Variants in HSPG2 observed in about 807,000 individuals in gnomAD.
HSPG2 encodes heparan sulfate proteoglycan 2, also known as basement membrane-specific heparan sulfate proteoglycan core protein.
Under a neutral mutation model 526.6 loss-of-function variants are expected in HSPG2, and 278 were observed. The observed-to-expected ratio is 0.53, with a 90% CI of 0.48 to 0.58. The LOEUF is 0.58. HSPG2 is among the 20% of genes least tolerant of loss of function. HSPG2 has a pLI of 0.00. For synonymous variants in HSPG2, 2,465 were observed against 2,555.4 expected (o/e 0.96, Z 1.07); for missense variants, 5,354 against 6,099.5 (o/e 0.88, Z 4.07).
chr1:21,889,888 G>T, intron 6 of HSPG2, 93 bp downstream of exon 6: 1 of 1,305,996 alleles, frequency 7.7e-7, no homozygotes, highest in Non-Finnish European at 1.1e-6. Flanking sequence ...TTCTAGTGGT[G>T]TGCAAGCCCA....
intron 21 of HSPG2, 109 bp from the exon 22 acceptor site, chr1:21,876,761 C>CT: frequency 1.4e-6 from 2 of 1,474,300 alleles, no homozygotes; most frequent in Non-Finnish European, 1.9e-6. Flanking sequence ...AGGGGAGCCA[C>CT]TGAAAGAGCA....
At chr1:21,826,006 G>A (rs912137953) in intron 91 of HSPG2, among the ~76,000 whole-genome samples, 4 of 151,998 alleles carry the variant, frequency 2.6e-5, no homozygotes, top group South Asian at 2.1e-4. Flanking sequence ...GGCTGGTCTC[G>A]AACTGATCTC....
rs754887749 is a variant in HSPG2, at chr1:21,850,082, T to A, written c.7405A>T (p.Thr2469Ser). ...AGGCTGCCCCCGCGCTTGTGCCACG[T>A]GACCTGGGCATGGGCCTGACCAGCA... is the stretch of plus-strand genomic sequence containing the variant. Reference protein sequence around the residue: ...LVAGQAHAQVTWHKRGGSLPA... With the variant: ...LVAGQAHAQVSWHKRGGSLPA... Residue 2469 changes from threonine (T) to serine (S), a missense_variant, in exon 57 of 97, where the codon ACG becomes TCG. Thr to Ser is a moderately conservative substitution (Grantham distance 58). Transcript: ENST00000374695. 6.8e-6 allele frequency: 11 copies of A among 1,613,386 alleles called. No homozygotes were observed. Among genetic ancestry groups the A allele is most frequent in the Non-Finnish European group, 8.5e-6 (10 of 1,180,030 alleles).
intron 28 of HSPG2, 55 bp downstream of exon 28, chr1:21,874,351 G>A: frequency 1.2e-6 from 2 of 1,605,600 alleles, no homozygotes. Flanking sequence ...GCGGGTGTGG[G>A]AGCGGGTGGT....
Position 21,865,434 on chromosome 1 carries a change from A to C in HSPG2, c.4315-69T>G, listed in dbSNP as rs114800104. On this transcript the variant is annotated intron_variant, in intron 34 of 96. Coordinates refer to ENST00000374695, the MANE Select transcript of HSPG2 (RefSeq NM_005529.7). The surrounding 1 kb of genome is among the most constrained non-coding windows in gnomAD (Gnocchi z 5.4). ...CTGGGGTGCCAGGGTGTCCTCCACCAGTCCTAGATTCTCTGTAACCCCCAG... is the reference window on the plus strand; with the variant it reads ...CTGGGGTGCCAGGGTGTCCTCCACCCGTCCTAGATTCTCTGTAACCCCCAG... 1.4e-6 allele frequency: 2 copies of C among 1,416,818 alleles called. No homozygotes were observed. Among genetic ancestry groups the C allele is most frequent in the East Asian group, 2.3e-5 (1 of 43,916 alleles). 87.8% of individuals were successfully genotyped at this position (1,416,818 alleles called of 1,614,324 possible).
At chr1:21,830,149 C>T in intron 85 of HSPG2, 58 bp from the exon 86 acceptor site, 1 of 1,386,864 alleles carries the variant, frequency 7.2e-7, no homozygotes, top group Non-Finnish European at 9.9e-7. Context: ...GGAGGGGGGT[C>T]CTGATGCCAG....
At chr1:21,874,347 G>A in intron 28 of HSPG2, 59 bp downstream of exon 28, 2 of 1,603,610 alleles carry the variant, frequency 1.2e-6, no homozygotes, top group Admixed American at 1.7e-5. Flanking sequence ...TGAAGCGGGT[G>A]TGGGAGCGGG....
At chr1:21,908,944 TA>T (rs1367726365) in intron 1 of HSPG2, among the ~76,000 whole-genome samples, 1 of 152,036 alleles carries the variant, frequency 6.6e-6, no homozygotes, top group African/African-American at 2.4e-5. Flanking sequence ...CCGTCTCTAC[TA>T]AAAAATACAA....
chr1:21,890,798 C>A lies in HSPG2; in HGVS notation c.245-104G>T. 1.2e-6 allele frequency: 1 copy of A among 835,574 alleles called. No homozygotes were observed. The highest frequency in any genetic ancestry group is 1.4e-5 in the South Asian group (1 of 71,718). The allele number at this position is 835,574 out of a possible 1,614,324, so 51.8% of individuals were successfully genotyped here. ...GAGTTGGGGGGATGGCCCCCAGAGG[C>A]CTCCCTCGAGGCTGACACCTGTGTG... On this transcript the variant is annotated intron_variant, in intron 3 of 96. Transcript: ENST00000374695. The surrounding 1 kb of genome is among the most constrained non-coding windows in gnomAD (Gnocchi z 4.1).
Position 21,935,195 on chromosome 1 carries a change from G to A in HSPG2, c.63+1960C>T, listed in dbSNP as rs1222511050. Reference sequence around the variant, plus strand: ...GCTGGGATTACAGGCATGAGCCACCGCGCCTGGCCTGAAAAACTTTTTAAA... The same window carrying A: ...GCTGGGATTACAGGCATGAGCCACCACGCCTGGCCTGAAAAACTTTTTAAA... On this transcript the variant is annotated intron_variant, in intron 1 of 96. Coordinates refer to ENST00000374695, the MANE Select transcript of HSPG2 (RefSeq NM_005529.7). Among the ~76,000 whole-genome samples the A allele has an allele frequency of 2.6e-5, 4 of 152,152 alleles. No individual in the cohort carries two copies. The East Asian group carries it at 7.7e-4, about 29-fold the overall frequency.
At chr1:21,891,253 T>G (rs2152767172) in intron 3 of HSPG2, among the ~76,000 whole-genome samples, 1 of 152,344 alleles carries the variant, frequency 6.6e-6, no homozygotes, top group African/African-American at 2.4e-5. Context: ...GTAACAATTG[T>G]GAGTTCTAAG....
In HSPG2 at chr1:21,880,847, G is replaced by C; in HGVS notation, c.1819-12C>G. On this transcript the variant is annotated splice_polypyrimidine_tract_variant and intron_variant, in intron 14 of 96. Coordinates refer to ENST00000374695, the MANE Select transcript of HSPG2 (RefSeq NM_005529.7). ...CCATAGGAGTCCACCTGGCACAACA[G>C]GGTGGATCAGCACGGGCAGCTGTGG... The C allele has an allele frequency of 1.9e-6, 3 of 1,584,268 alleles. No homozygotes were observed. Among genetic ancestry groups the C allele is most frequent in the Non-Finnish European group, 2.6e-6 (3 of 1,166,166 alleles).
At position 21,872,348 on chromosome 1, in the gene HSPG2, G is replaced by T. The variant is rs1354868623; in HGVS notation, c.4059C>A (p.Phe1353Leu). 6.3e-7 allele frequency: 1 copy of T among 1,580,202 alleles called. No individual in the cohort carries two copies. The highest frequency in any genetic ancestry group is 2.3e-5 in the East Asian group (1 of 43,034). ...LISTHFAPGD[F>L]QGFALVNPQR... Reference sequence around the variant, plus strand: ...GTGGGTTCACCAGGGCAAAGCCTTGGAAGTCCCCAGGGGCAAAGTGGGTGG... The same window carrying T: ...GTGGGTTCACCAGGGCAAAGCCTTGTAAGTCCCCAGGGGCAAAGTGGGTGG... Residue 1353 changes from phenylalanine to leucine, a missense_variant, in exon 33 of 97, where the codon TTC becomes TTA. Phe to Leu is a conservative substitution (Grantham distance 22). Transcript: ENST00000374695. This position sits in a 1 kb window ranked among gnomAD's most constrained non-coding sequence, Gnocchi z 5.5.
At position 21,847,970 on chromosome 1, in the gene HSPG2, C is replaced by T. The variant is rs745955223; in HGVS notation, c.7861G>A (p.Gly2621Ser). The change falls in exon 60 of 97, where the codon GGT (glycine) becomes AGT (serine). Residue 2621 changes from glycine (G) to serine (S), a missense_variant. Coordinates refer to ENST00000374695, the MANE Select transcript of HSPG2 (RefSeq NM_005529.7). The surrounding 1 kb of genome is among the most constrained non-coding windows in gnomAD (Gnocchi z 4.1). ...TCTCTGCTCTCACCGTGGGAGGAAC[C>T]GCTGCCCTGGATGGTGACGATGAGC... The part of the protein sequence containing the change: ...TSLIVTIQGS[G>S]SSHVPSVSPP... 7.4e-6 allele frequency: 12 copies of T among 1,613,846 alleles called. No individual in the cohort carries two copies. The highest frequency in any genetic ancestry group is 1.3e-5 in the African/African-American group (1 of 75,040).
intron 1 of HSPG2, among the ~76,000 whole-genome samples, chr1:21,903,426 C>T (rs562778142): frequency 1.3e-5 from 2 of 152,102 alleles, no homozygotes; most frequent in Non-Finnish European, 2.9e-5. Flanking sequence ...CATGGTGAAA[C>T]CCCATCTCTA....
rs779692465 is a variant in HSPG2 at position 21,828,467 on chromosome 1, A to T, written c.12238-41T>A. On this transcript the variant is annotated intron_variant, in intron 88 of 96. Coordinates refer to ENST00000374695, the MANE Select transcript of HSPG2 (RefSeq NM_005529.7). This position sits in a 1 kb window ranked among gnomAD's most constrained non-coding sequence, Gnocchi z 6.0. The stretch of plus-strand genomic sequence containing the variant: ...CACCGAGGGACTAAAGGGGCCTGGG[A>T]GGCAGAGACCCAGGTGTACCAGCAG... 7 of 1,599,726 alleles carry T rather than the reference A, an allele frequency of 4.4e-6. No homozygotes were observed. The highest frequency in any genetic ancestry group is 1.3e-5 in the African/African-American group (1 of 74,662).
rs1640583650 is a variant in HSPG2, at chr1:21,870,790, C to T, written c.4221+1396G>A. 33 of 982,238 alleles carry T rather than the reference C, an allele frequency of 3.4e-5. No homozygotes were observed. The South Asian group carries it at 1.1e-3, about 34-fold the overall frequency. The allele number at this position is 982,238 out of a possible 1,614,324, so 60.8% of individuals were successfully genotyped here. A position where few individuals can be genotyped will look rare whatever the true frequency, so the allele number is the denominator to read the frequency against. ...GCTGGGAGCACCCGAGAAGGCACCA[C>T]GCCCCACCACACCAACTTCACACCA... is the stretch of plus-strand genomic sequence containing the variant. On this transcript the variant is annotated intron_variant, in intron 33 of 96. Coordinates refer to ENST00000374695, the MANE Select transcript of HSPG2 (RefSeq NM_005529.7).
chr1:21,850,213 G>T, intron 56 of HSPG2, 21 bp from the exon 57 acceptor site: 1 of 1,613,240 alleles, frequency 6.2e-7, no homozygotes, highest in Non-Finnish European at 8.5e-7. Flanking sequence ...AGGGCAAAGG[G>T]TCAATAGCCG....
rs1182558734 is a variant in HSPG2, at chr1:21,852,891, G to T, written c.6591+28C>A. 1.9e-6 allele frequency: 3 copies of T among 1,611,906 alleles called. No individual in the cohort carries two copies. The African/African-American group carries it at 4.0e-5, about 22-fold the overall frequency. ...GGAACAGTCCCATCCAGCCCCTCCA[G>T]CAAGGTGGTCCCGGGGGGCTGCCAT... On this transcript the variant is annotated intron_variant, in intron 51 of 96. Coordinates refer to ENST00000374695, the MANE Select transcript of HSPG2 (RefSeq NM_005529.7).
Sources: gnomAD v4.1 joint callset for allele counts (sites outside exome capture counted in the v4.1 genomes callset) on GRCh38, gnomAD v4.1.1 for gene constraint, Gnocchi (gnomAD v3.1) non-coding constraint, MANE v1.5 for transcripts, NCBI Gene and HGNC (gene_info 2026-07-23, HGNC 2026-07-21) for gene names.